The following TBXAS1 variants were observed in gnomAD, a reference collection of about 807,000 sequenced individuals.
TBXAS1 encodes the protein thromboxane A synthase 1.
A neutral mutation model predicts 60.7 loss-of-function variants in TBXAS1; 48 were observed. The ratio of observed to expected loss-of-function variants is 0.79; its 90% CI spans 0.63 to 1.01. The LOEUF (loss-of-function observed/expected upper bound fraction) is 1.01, where lower values mean the gene tolerates loss of function less well. Among genes scored for constraint, TBXAS1 ranks in the 50% least tolerant of loss-of-function variants. The pLI is 0.00. For missense variants in TBXAS1, 685 were observed against 686.3 expected (o/e 1.00, Z 0.02); for synonymous variants, 287 against 269.7 (o/e 1.06, Z -0.63).
intron 4 of TBXAS1, among the ~76,000 whole-genome samples, chr7:139,822,501 C>T (rs1436417472): frequency 6.6e-6 from 1 of 152,138 alleles, no homozygotes; most frequent in Non-Finnish European, 1.5e-5. Flanking sequence ...TTTCTCCTGA[C>T]CTCTACAGAT....
At chr7:139,914,793 A>G (rs1805838738) in intron 4 of TBXAS1, among the ~76,000 whole-genome samples, 1 of 152,188 alleles carries the variant, frequency 6.6e-6, no homozygotes, top group African/African-American at 2.4e-5. Context: ...ACAGTGAAGG[A>G]GGATATGGCT....
At chr7:139,922,874 C>T (rs1227644521) in intron 4 of TBXAS1, among the ~76,000 whole-genome samples, 3 of 152,156 alleles carry the variant, frequency 2.0e-5, no homozygotes, top group African/African-American at 7.2e-5. Context: ...GTTGAAAAGA[C>T]CACCCATTCC....
At chr7:139,872,434 C>G in intron 2 of TBXAS1, 106 bp downstream of exon 2, 1 of 1,094,528 alleles carries the variant, frequency 9.1e-7, no homozygotes, top group Non-Finnish European at 1.4e-6. Flanking sequence ...GCGTGTGGAT[C>G]ACCTGAGGTC....
intron 8 of TBXAS1, among the ~76,000 whole-genome samples, chr7:139,960,265 C>T (rs184628004): frequency 2.8e-4 from 42 of 152,282 alleles, no homozygotes; most frequent in Admixed American, 5.9e-4. Context: ...CCAAGACTCC[C>T]GCTCTAAAGA....
At chr7:139,941,644 A>G (rs1018067933) in intron 5 of TBXAS1, among the ~76,000 whole-genome samples, 1 of 152,168 alleles carries the variant, frequency 6.6e-6, no homozygotes, top group Admixed American at 6.5e-5. Context: ...GTTAGGGAAG[A>G]TTTTGTCTGC....
chr7:140,002,144 C>G (rs1262815219), intron 9 of TBXAS1, among the ~76,000 whole-genome samples: 1 of 152,210 alleles, frequency 6.6e-6, no homozygotes, highest in Non-Finnish European at 1.5e-5. Flanking sequence ...ATCTCCTAAA[C>G]AGAACTGGTT....
intron 3 of TBXAS1, among the ~76,000 whole-genome samples, chr7:139,785,487 G>T (rs73735627): frequency 1.0e-4 from 15 of 150,444 alleles, no homozygotes; most frequent in Admixed American, 6.0e-4. Context: ...TGTTGTTGTT[G>T]TTTTTTGTGT....
intron 1 of TBXAS1, among the ~76,000 whole-genome samples, chr7:139,832,736 A>G (rs558155440): frequency 1.3e-5 from 2 of 152,246 alleles, no homozygotes; most frequent in Admixed American, 6.5e-5. Flanking sequence ...TATAAAGGAA[A>G]ACCTATCAGA....
At chr7:139,936,840 T>C (rs1157516007) in intron 5 of TBXAS1, among the ~76,000 whole-genome samples, 4 of 152,168 alleles carry the variant, frequency 2.6e-5, no homozygotes, top group Non-Finnish European at 5.9e-5. Flanking sequence ...AGGGAGGTGA[T>C]TGCAGTGAAT....
chr7:139,856,148 T>C (rs1289238601), intron 1 of TBXAS1, among the ~76,000 whole-genome samples: 1 of 152,196 alleles, frequency 6.6e-6, no homozygotes, highest in African/African-American at 2.4e-5. Flanking sequence ...ATCACAATTA[T>C]CGGGGAGGCC....
chr7:139,793,396 A>G lies in TBXAS1; in HGVS notation c.-80+5970A>G, dbSNP rs1585513023. 5.9e-5 allele frequency among the ~76,000 whole-genome samples: 9 copies of G among 152,172 alleles called. 2 individuals are homozygous for G. Among genetic ancestry groups the G allele is most frequent in the Admixed American group, 5.9e-4 (9 of 15,264 alleles). On this transcript the variant is annotated intron_variant, in intron 4 of 16. Coordinates refer to the TBXAS1 transcript ENST00000336425. ...GATCCACCACTGCACTCCAGCCTGG[A>G]TGACAGAGCGAGAATCCATTAAAAA...
At chr7:139,972,700 G>A (rs1383940486) in intron 9 of TBXAS1, among the ~76,000 whole-genome samples, 1 of 151,982 alleles carries the variant, frequency 6.6e-6, no homozygotes, top group Non-Finnish European at 1.5e-5. Context: ...ATTTTCCATT[G>A]GGAGGCCCTG....
rs1017666378 is a variant in TBXAS1, at chr7:139,956,675, G to A, written c.689-959G>A. ...ACCTCACTGGCTCCGCCCTGAAATC[G>A]TAGGCAGAGTCACTCTGAGTGTCCA... On this transcript the variant is annotated intron_variant, in intron 7 of 12. Transcript: ENST00000448866. 9.2e-5 allele frequency among the ~76,000 whole-genome samples: 14 copies of A among 152,340 alleles called. No individual in the cohort carries two copies. In the South Asian group the frequency reaches 2.3e-3, roughly 25 times the overall value.
intron 4 of TBXAS1, among the ~76,000 whole-genome samples, chr7:139,818,051 T>C (rs564863066): frequency 1.3e-5 from 2 of 152,306 alleles, no homozygotes; most frequent in Admixed American, 1.3e-4. Flanking sequence ...GGGGATACAT[T>C]GTTGAACCAG....
intron 4 of TBXAS1, among the ~76,000 whole-genome samples, chr7:139,816,386 C>T (rs2116423138): frequency 6.6e-6 from 1 of 152,296 alleles, no homozygotes; most frequent in East Asian, 1.9e-4. Flanking sequence ...GAAAGAGTTG[C>T]TGACATGCTG....
chr7:139,833,400 G>C (rs752440237), intron 1 of TBXAS1, among the ~76,000 whole-genome samples: 1 of 151,582 alleles, frequency 6.6e-6, no homozygotes, highest in Non-Finnish European at 1.5e-5. Flanking sequence ...AGACAAAGAG[G>C]GGCCGGGCGT....
chr7:139,989,038 A>G (rs571862773), intron 9 of TBXAS1, among the ~76,000 whole-genome samples: 1 of 152,322 alleles, frequency 6.6e-6, no homozygotes, highest in Non-Finnish European at 1.5e-5. Flanking sequence ...GGAGGGAGGC[A>G]GCGCATTGCA....
At chr7:139,996,026 T>C (rs1458163994) in intron 9 of TBXAS1, among the ~76,000 whole-genome samples, 1 of 152,196 alleles carries the variant, frequency 6.6e-6, no homozygotes, top group Non-Finnish European at 1.5e-5. Context: ...TCATTATTAT[T>C]ACTGGCAATC....
chr7:139,875,609 C>T lies in TBXAS1; in HGVS notation c.208C>T (p.Leu70Phe), dbSNP rs140463378. 1,810 of 1,614,156 alleles carry T rather than the reference C, an allele frequency of 1.1e-3. 26 individuals are homozygous for T. The East Asian group carries it at 0.031, about 28-fold the overall frequency. Residue 70 changes from leucine (L) to phenylalanine (F), a missense_variant, in exon 3 of 13, where the codon CTC becomes TTC. By Grantham distance (22) the Leu-to-Phe change is conservative. Transcript: ENST00000448866. ...GGGTTTTTGGGAAAGCCAAATGGAG[C>T]TCAGAAAGCTGTATGGACCTCTGTG... ...RQGFWESQME[L>F]RKLYGPLCGY...
Sources: allele counts gnomAD v4.1 joint callset (sites outside exome capture counted in the v4.1 genomes callset), GRCh38; gene constraint gnomAD v4.1.1; transcripts MANE v1.5; gene names NCBI Gene and HGNC (gene_info 2026-07-23, HGNC 2026-07-21).